The following CFTR variants were observed in gnomAD, a reference collection of about 807,000 sequenced individuals.
The protein encoded by CFTR is cystic fibrosis transmembrane conductance regulator.
A neutral mutation model predicts 171.6 loss-of-function variants in CFTR; 181 were observed. The ratio of observed to expected loss-of-function variants is 1.05; its 90% CI spans 0.93 to 1.19. The LOEUF (loss-of-function observed/expected upper bound fraction) is 1.19. Ranked by LOEUF, CFTR falls within the 50% of genes most tolerant of loss-of-function variation. The pLI is 0.00. For missense variants in CFTR, 1,968 were observed against 1,734.7 expected (o/e 1.13, Z -2.39); for synonymous variants, 583 against 608.0 (o/e 0.96, Z 0.60).
intron 15 of CFTR, among the ~76,000 whole-genome samples, chr7:117,599,862 A>C (rs903371852): frequency 6.6e-6 from 1 of 152,072 alleles, no homozygotes; most frequent in Admixed American, 6.5e-5. Flanking sequence ...GAAATGTCTC[A>C]TGAGCATGTC....
intron 24 of CFTR, among the ~76,000 whole-genome samples, chr7:117,661,289 G>A (rs959186054): frequency 6.6e-6 from 1 of 152,160 alleles, no homozygotes; most frequent in African/African-American, 2.4e-5. Flanking sequence ...ATTGCAAAAT[G>A]TCCCCTGTGT....
chr7:117,585,653 T>G (rs1791919305), intron 11 of CFTR, among the ~76,000 whole-genome samples: 1 of 152,140 alleles, frequency 6.6e-6, no homozygotes, highest in South Asian at 2.1e-4. Context: ...TTTTGTTTTG[T>G]TTTTTAGATA....
intron 15 of CFTR, among the ~76,000 whole-genome samples, chr7:117,596,352 C>T (rs376256254): frequency 1.3e-5 from 2 of 152,224 alleles, no homozygotes; most frequent in South Asian, 2.1e-4. Context: ...GGGCAGGGCT[C>T]GGGACCTGCA....
rs796991857 is a variant in CFTR, at chr7:117,501,776, CAAAA to C, written c.54-2464_54-2461del. Among the ~76,000 whole-genome samples, 4 of 84,352 alleles carry C rather than the reference CAAAA, an allele frequency of 4.7e-5. No individual in the cohort carries two copies. In the East Asian group the frequency reaches 1.4e-3, roughly 29 times the overall value. The allele number at this position is 84,352 out of a possible 152,430, so 55.3% of individuals were successfully genotyped here. A position where few individuals can be genotyped will look rare whatever the true frequency, so the allele number is the denominator to read the frequency against. ...AAAAAAAAAAAAAAAAAAAAAGAAA[CAAAA>C]AAAAAAAAAAAACAAAAAGCAAACA... On this transcript the variant is annotated intron_variant, in intron 1 of 26. Coordinates refer to ENST00000003084, the MANE Select transcript of CFTR (RefSeq NM_000492.4).
At chr7:117,573,277 A>G (rs1164387088) in intron 11 of CFTR, among the ~76,000 whole-genome samples, 1 of 152,154 alleles carries the variant, frequency 6.6e-6, no homozygotes, top group East Asian at 1.9e-4. Flanking sequence ...TGCACTCCTT[A>G]ATAATAAAGT....
chr7:117,513,951 CA>C (rs1798560911), intron 3 of CFTR, among the ~76,000 whole-genome samples: 1 of 152,166 alleles, frequency 6.6e-6, no homozygotes, highest in African/African-American at 2.4e-5. Flanking sequence ...TCCCATGATG[CA>C]ACTCTGCCCT....
rs1049735378 is a variant in CFTR, at chr7:117,557,933, A to T, written c.1393-1531A>T. On this transcript the variant is annotated intron_variant, in intron 10 of 26. Coordinates refer to ENST00000003084, the MANE Select transcript of CFTR (RefSeq NM_000492.4). ...TATATACTTTGGAATTTGTTAAAAAAAGATTTTTATAAAAAATAATTGTGG... is the reference window on the plus strand; with the variant it reads ...TATATACTTTGGAATTTGTTAAAAATAGATTTTTATAAAAAATAATTGTGG... Among the ~76,000 whole-genome samples the T allele has an allele frequency of 2.6e-5, 4 of 152,288 alleles. No homozygotes were observed. The East Asian group carries it at 5.8e-4, about 22-fold the overall frequency.
chr7:117,542,169 T>C lies in CFTR; in HGVS notation c.1209+61T>C, dbSNP rs35313962. The C allele has an allele frequency of 6.3e-4, 523 of 825,842 alleles. 8 individuals are homozygous for C. In the East Asian group the frequency reaches 0.013, roughly 20 times the overall value. 51.2% of individuals were successfully genotyped at this position (825,842 alleles called of 1,614,324 possible). ...CTAACTGTTTTCTTCTTTGTGAATA[T>C]GGATTTCATCCTAATGGCGAATAAA... On this transcript the variant is annotated intron_variant, in intron 9 of 26. Transcript: ENST00000003084.
intron 1 of CFTR, among the ~76,000 whole-genome samples, chr7:117,489,467 A>G (rs765127697): frequency 1.3e-5 from 2 of 152,122 alleles, no homozygotes; most frequent in Non-Finnish European, 2.9e-5. Context: ...GCAAGTACGC[A>G]TGATAAAGTA....
intron 21 of CFTR, among the ~76,000 whole-genome samples, chr7:117,621,185 C>T (rs1011394355): frequency 2.0e-5 from 3 of 152,072 alleles, no homozygotes; most frequent in Admixed American, 6.6e-5. Context: ...TGGTAGGGGG[C>T]AGGGTGACTG....
chr7:117,648,003 A>AGTGTGT (rs754535471), intron 23 of CFTR, among the ~76,000 whole-genome samples: 1 of 145,868 alleles, frequency 6.9e-6, no homozygotes, highest in East Asian at 2.0e-4. Context: ...CTATACACGG[A>AGTGTGT]GTGTGTGTGT....
At chr7:117,569,740 T>C (rs559923553) in intron 11 of CFTR, among the ~76,000 whole-genome samples, 20 of 151,930 alleles carry the variant, frequency 1.3e-4, no homozygotes, top group African/African-American at 4.8e-4. Flanking sequence ...TTTTCTAGAG[T>C]AGGATGAAAA....
intron 1 of CFTR, among the ~76,000 whole-genome samples, chr7:117,496,562 A>T (rs1798243767): frequency 6.6e-6 from 1 of 152,060 alleles, no homozygotes; most frequent in Non-Finnish European, 1.5e-5. Flanking sequence ...TATTTTATTT[A>T]TCCTTTCCCC....
At chr7:117,546,382 G>A (rs1192899493) in intron 9 of CFTR, among the ~76,000 whole-genome samples, 1 of 152,018 alleles carries the variant, frequency 6.6e-6, no homozygotes, top group Non-Finnish European at 1.5e-5. Flanking sequence ...CAATCCTCCT[G>A]CCTCGGACAC....
intron 26 of CFTR, among the ~76,000 whole-genome samples, chr7:117,665,919 CATGG>C (rs1217314190): frequency 6.6e-6 from 1 of 152,072 alleles, no homozygotes; most frequent in Non-Finnish European, 1.5e-5. Flanking sequence ...CTAAATGTCC[CATGG>C]ATGTGGTCTG....
chr7:117,547,960 A>G (rs894802393), intron 9 of CFTR, among the ~76,000 whole-genome samples: 2 of 152,186 alleles, frequency 1.3e-5, no homozygotes, highest in African/African-American at 4.8e-5. Context: ...AGGACTGTTT[A>G]CTTTGATTTG....
intron 3 of CFTR, among the ~76,000 whole-genome samples, chr7:117,517,784 G>C (rs1237692705): frequency 6.6e-6 from 1 of 152,118 alleles, no homozygotes; most frequent in African/African-American, 2.4e-5. Flanking sequence ...TTGTGGTTTT[G>C]ATTTGCATTT....
chr7:117,630,619 A>G (rs1792726080), intron 22 of CFTR, among the ~76,000 whole-genome samples: 2 of 152,162 alleles, frequency 1.3e-5, no homozygotes, highest in Admixed American at 1.3e-4. Context: ...AAAGGAACTG[A>G]AGAGATCGGG....
At chr7:117,621,722 G>T (rs1251662506) in intron 21 of CFTR, among the ~76,000 whole-genome samples, 1 of 152,072 alleles carries the variant, frequency 6.6e-6, no homozygotes, top group Non-Finnish European at 1.5e-5. Flanking sequence ...TTGTTGTTTT[G>T]GATTCCTCTT....
Sources: gnomAD v4.1 joint callset for allele counts (sites outside exome capture counted in the v4.1 genomes callset) on GRCh38, gnomAD v4.1.1 for gene constraint, MANE v1.5 for transcripts, NCBI Gene and HGNC (gene_info 2026-07-23, HGNC 2026-07-21) for gene names.